The following ELL2 variants were observed in gnomAD, a reference collection of about 807,000 sequenced individuals.
ELL2 encodes RNA polymerase II elongation factor ELL2.
Under a neutral mutation model 72.8 loss-of-function variants are expected in ELL2, and 21 were observed. That is an observed-to-expected ratio of 0.29 (90% CI 0.20 to 0.42). The LOEUF is 0.42. ELL2 is among the 10% of genes least tolerant of loss of function. The pLI is 1.00. For synonymous variants in ELL2, 266 were observed against 283.2 expected (o/e 0.94, Z 0.61); for missense variants, 568 against 772.8 (o/e 0.73, Z 3.14).
chr5:95,916,568 A>G (rs1749809204), intron 3 of ELL2, among the ~76,000 whole-genome samples: 3 of 152,184 alleles, frequency 2.0e-5, no homozygotes, highest in Non-Finnish European at 4.4e-5. Flanking sequence ...TAAGGAACCA[A>G]TAACACATCC....
chr5:95,947,773 C>T (rs148643512), intron 1 of ELL2, among the ~76,000 whole-genome samples: 1 of 152,128 alleles, frequency 6.6e-6, no homozygotes, highest in African/African-American at 2.4e-5. Context: ...GTTCTTTTGG[C>T]ATTTTGTTTC....
chr5:95,892,797 T>C (rs1748716082), intron 9 of ELL2, among the ~76,000 whole-genome samples: 1 of 152,228 alleles, frequency 6.6e-6, no homozygotes, highest in Non-Finnish European at 1.5e-5. Flanking sequence ...TTAATATTTT[T>C]ATTCATGCTG....
At chr5:95,909,716 C>CCGA (rs1749508988) in intron 4 of ELL2, among the ~76,000 whole-genome samples, 1 of 152,158 alleles carries the variant, frequency 6.6e-6, no homozygotes, top group Admixed American at 6.5e-5. Context: ...AGCAGTGGGT[C>CCGA]CGACAGGGTT....
chr5:95,938,997 T>C (rs1470532365), intron 2 of ELL2, among the ~76,000 whole-genome samples: 3 of 152,198 alleles, frequency 2.0e-5, no homozygotes, highest in African/African-American at 7.2e-5. Flanking sequence ...TGCCAGCAGA[T>C]ATGGGCATTA....
At chr5:95,910,526 A>C (rs1478798950) in intron 4 of ELL2, among the ~76,000 whole-genome samples, 1 of 152,114 alleles carries the variant, frequency 6.6e-6, no homozygotes, top group Non-Finnish European at 1.5e-5. Context: ...CTGGAAGATA[A>C]TGTTTTCTAG....
intron 3 of ELL2, 21 bp downstream of exon 3, chr5:95,919,403 T>G (rs372088639): frequency 1.2e-4 from 185 of 1,572,380 alleles, no homozygotes; most frequent in Non-Finnish European, 1.5e-4. Flanking sequence ...TCCCCTTCAG[T>G]GTACCTTGAA....
intron 1 of ELL2, among the ~76,000 whole-genome samples, chr5:95,952,203 A>G (rs1751437000): frequency 6.6e-6 from 1 of 152,314 alleles, no homozygotes; most frequent in African/African-American, 2.4e-5. Context: ...TAACACAGGA[A>G]CAAAAAAACA....
At chr5:95,935,831 T>C (rs537140690) in intron 2 of ELL2, among the ~76,000 whole-genome samples, 1 of 152,258 alleles carries the variant, frequency 6.6e-6, no homozygotes, top group Non-Finnish European at 1.5e-5. Context: ...TTCTTCTTCT[T>C]CTCCTCCCAT....
chr5:95,914,055 A>G, intron 3 of ELL2, 121 bp from the exon 4 acceptor site: 1 of 799,576 alleles, frequency 1.3e-6, no homozygotes, highest in Non-Finnish European at 1.8e-6. Context: ...AAAATAACTA[A>G]TATTAATTTT....
At chr5:95,961,233 C>T (rs563697197) in intron 1 of ELL2, among the ~76,000 whole-genome samples, 67 of 152,206 alleles carry the variant, frequency 4.4e-4, no homozygotes, top group African/African-American at 1.5e-3. Context: ...GTGGTCATCT[C>T]ACTTCTCTTA....
chr5:95,931,412 T>A (rs1750595382), intron 2 of ELL2, among the ~76,000 whole-genome samples: 1 of 152,170 alleles, frequency 6.6e-6, no homozygotes. Flanking sequence ...CTGACCTGTT[T>A]GATTCTAACA....
intron 5 of ELL2, among the ~76,000 whole-genome samples, chr5:95,904,594 T>C (rs890905172): frequency 8.5e-5 from 13 of 152,336 alleles, no homozygotes; most frequent in Admixed American, 2.0e-4. Context: ...AAAACTACTG[T>C]GTAAGTAACA....
chr5:95,915,410 T>G (rs1749752860), intron 3 of ELL2, among the ~76,000 whole-genome samples: 1 of 152,258 alleles, frequency 6.6e-6, no homozygotes. Context: ...GATAAAATCT[T>G]TATAAATTGC....
At chr5:95,905,237 GCA>G (rs57650305) in intron 5 of ELL2, among the ~76,000 whole-genome samples, 65 of 149,776 alleles carry the variant, frequency 4.3e-4, no homozygotes, top group African/African-American at 1.3e-3. Flanking sequence ...TGAGATACGC[GCA>G]CACACACACA....
At chr5:95,893,675 G>A (rs917859860) in intron 9 of ELL2, among the ~76,000 whole-genome samples, 22 of 152,142 alleles carry the variant, frequency 1.4e-4, no homozygotes, top group South Asian at 2.1e-4. Context: ...GTGAGCCACC[G>A]CGCCCGGCCT....
intron 2 of ELL2, among the ~76,000 whole-genome samples, chr5:95,937,690 T>A (rs1243278319): frequency 6.6e-6 from 1 of 152,170 alleles, no homozygotes; most frequent in African/African-American, 2.4e-5. Flanking sequence ...ATTAAAAAAA[T>A]TAAAACAGAA....
At chr5:95,947,612 T>C (rs1751212611) in intron 1 of ELL2, among the ~76,000 whole-genome samples, 1 of 152,180 alleles carries the variant, frequency 6.6e-6, no homozygotes, top group Non-Finnish European at 1.5e-5. Flanking sequence ...GTAGAGTACA[T>C]CGCTTAGGAT....
intron 2 of ELL2, among the ~76,000 whole-genome samples, chr5:95,934,599 G>C (rs1434712840): frequency 6.6e-6 from 1 of 152,186 alleles, no homozygotes; most frequent in Non-Finnish European, 1.5e-5. Context: ...TGGAGAGAGA[G>C]AGATCACAGA....
At chr5:95,943,764 T>A (rs1751057335) in intron 1 of ELL2, among the ~76,000 whole-genome samples, 1 of 152,226 alleles carries the variant, frequency 6.6e-6, no homozygotes, top group Non-Finnish European at 1.5e-5. Context: ...AATTTCTAGA[T>A]CAGTGTTTTT....
Sources: allele counts gnomAD v4.1 joint callset (sites outside exome capture counted in the v4.1 genomes callset), GRCh38; gene constraint gnomAD v4.1.1; transcripts MANE v1.5; gene names NCBI Gene and HGNC (gene_info 2026-07-23, HGNC 2026-07-21).